CENATAC: variants seen among roughly 807,000 people sequenced by gnomAD.
CENATAC encodes coiled-coil domain containing 84.
A neutral mutation model predicts 53.7 loss-of-function variants in CENATAC; 53 were observed. That is an observed-to-expected ratio of 0.99 (90% CI 0.79 to 1.24). The LOEUF (loss-of-function observed/expected upper bound fraction) is 1.24, where lower values mean the gene tolerates loss of function less well. Ranked by LOEUF, CENATAC falls within the 50% of genes most tolerant of loss-of-function variation. The pLI, the probability that CENATAC is intolerant of heterozygous loss-of-function variation, is 0.00. For missense variants in CENATAC, 474 were observed against 417.8 expected (o/e 1.13, Z -1.17); for synonymous variants, 156 against 144.6 (o/e 1.08, Z -0.57).
chr11:119,013,419 C>A (rs1378529666), intron 8 of CENATAC, among the ~76,000 whole-genome samples, 157 bp downstream of exon 8: 1 of 151,748 alleles, frequency 6.6e-6, no homozygotes, highest in Non-Finnish European at 1.5e-5. Context: ...CCTCAGCCTC[C>A]CAAGTAGCTG....
intron 8 of CENATAC, chr11:119,014,290 G>C (rs782107943): frequency 1.3e-5 from 2 of 152,218 alleles, no homozygotes; most frequent in Non-Finnish European, 2.9e-5. Flanking sequence ...ATGAATCTCA[G>C]AAGTCCAGAC....
chr11:119,012,243 A>C lies in CENATAC; in HGVS notation c.673A>C (p.Ile225Leu). 6.2e-7 allele frequency: 1 copy of C among 1,614,060 alleles called. No individual in the cohort carries two copies. The highest frequency in any genetic ancestry group is 2.2e-5 in the East Asian group (1 of 44,882). The change falls in exon 7 of 11, where the codon ATT becomes CTT. Residue 225 changes from isoleucine to leucine, a missense_variant. Physicochemically the swap from Ile to Leu is conservative, Grantham distance 5 (BLOSUM62 2). Coordinates refer to ENST00000334418, the MANE Select transcript of CENATAC (RefSeq NM_198489.3). ...GGAGACAGGACCATCTCTGACATTC[A>C]TTGGCCATCAGGTACAAAGGATAAG... The part of the protein sequence containing the change: ...WMETGPSLTF[I>L]GHQDIPGVGN...
Position 119,010,541 on chromosome 11 carries a change from CTATTT to C in CENATAC, c.384-221_384-217del. 3 of 531,614 alleles carry C rather than the reference CTATTT, an allele frequency of 5.6e-6. No homozygotes were observed. In the South Asian group the frequency reaches 9.5e-5, roughly 17 times the overall value. The allele number at this position is 531,614 out of a possible 1,614,324, so 32.9% of individuals were successfully genotyped here. A position where few individuals can be genotyped will look rare whatever the true frequency, so the allele number is the denominator to read the frequency against. On this transcript the variant is annotated intron_variant, in intron 3 of 10. Transcript: ENST00000334418. Reference sequence around the variant, plus strand: ...TGAAAATAGGGTTTGACGTCTAAACCTATTTTGTTTTGGCAAAAAGGACGTGTGTC... The same window carrying C: ...TGAAAATAGGGTTTGACGTCTAAACCTGTTTTGGCAAAAAGGACGTGTGTC...
At chr11:119,006,817 C>T (rs892220442) in intron 3 of CENATAC, among the ~76,000 whole-genome samples, 1 of 152,304 alleles carries the variant, frequency 6.6e-6, no homozygotes, top group African/African-American at 2.4e-5. Context: ...ATCATGGGGG[C>T]GTTTTCCCCC....
At position 119,015,426 on chromosome 11, in the gene CENATAC, C is replaced by T. The variant is rs137880438; in HGVS notation, c.925C>T (p.Arg309Cys). The T allele has an allele frequency of 2.8e-4, 460 of 1,614,094 alleles. 1 individual carries two copies. The highest frequency in any genetic ancestry group is 3.5e-4 in the Non-Finnish European group (414 of 1,179,966). Residue 309 changes from arginine to cysteine, a missense_variant, in exon 10 of 11, where the codon CGC (arginine) becomes TGC (cysteine). Coordinates refer to ENST00000334418, the MANE Select transcript of CENATAC (RefSeq NM_198489.3). Reference protein sequence around the residue: ...SFGRVWNNGRRWQSRHQFKTE... With the variant: ...SFGRVWNNGRCWQSRHQFKTE... ...TGGCCGCGTCTGGAATAATGGACGCCGCTGGCAGTCCAGGTATGTGTGTTC... is the reference window on the plus strand; with the variant it reads ...TGGCCGCGTCTGGAATAATGGACGCTGCTGGCAGTCCAGGTATGTGTGTTC...
chr11:119,013,369 C>A, intron 8 of CENATAC, 107 bp downstream of exon 8: 2 of 764,780 alleles, frequency 2.6e-6, no homozygotes, highest in Admixed American at 2.7e-5. Flanking sequence ...AATCTCAGCT[C>A]GCTGCAACCT....
chr11:118,998,971 A>G, intron 2 of CENATAC, 40 bp from the exon 3 acceptor site: 2 of 1,445,912 alleles, frequency 1.4e-6, no homozygotes, highest in Non-Finnish European at 1.9e-6. Context: ...GTAATATTTT[A>G]TAATCTATAG....
intron 8 of CENATAC, chr11:119,014,084 A>G (rs1565671313): frequency 6.6e-6 from 1 of 152,244 alleles, no homozygotes; most frequent in Admixed American, 6.5e-5. Flanking sequence ...TACACCTACC[A>G]CATTATCCAA....
At chr11:119,002,407 C>G (rs1289997776) in intron 3 of CENATAC, among the ~76,000 whole-genome samples, 2 of 149,482 alleles carry the variant, frequency 1.3e-5, no homozygotes, top group Admixed American at 1.3e-4. Flanking sequence ...GGCACAATCT[C>G]AGCTCACTGC....
At chr11:119,000,797 G>A (rs1359196215) in intron 3 of CENATAC, among the ~76,000 whole-genome samples, 1 of 151,958 alleles carries the variant, frequency 6.6e-6, no homozygotes, top group South Asian at 2.1e-4. Context: ...TTGAGATGGG[G>A]TTTTGCTATG....
chr11:118,999,978 T>C (rs1352204460), intron 3 of CENATAC, among the ~76,000 whole-genome samples: 6 of 152,184 alleles, frequency 3.9e-5, no homozygotes, highest in Non-Finnish European at 5.9e-5. Flanking sequence ...GATTTCACCA[T>C]GTTGGCCAAG....
At chr11:119,011,195 C>T (rs782204488) in intron 4 of CENATAC, 26 bp from the exon 5 acceptor site, 1 of 1,605,434 alleles carries the variant, frequency 6.2e-7, no homozygotes, top group Non-Finnish European at 8.5e-7. Context: ...GATCCTGTAC[C>T]TGTCTAAGCA....
chr11:119,014,958 T>TAAAAAA (rs10680026), intron 8 of CENATAC, 36 bp from the exon 9 acceptor site: 219 of 1,170,168 alleles, frequency 1.9e-4, no homozygotes, highest in South Asian at 2.8e-4. Flanking sequence ...CCTGAAGACT[T>TAAAAAA]AAAAAAAAAA....
At chr11:119,011,837 T>C in intron 5 of CENATAC, 102 bp from the exon 6 acceptor site, 1 of 979,668 alleles carries the variant, frequency 1.0e-6, no homozygotes, top group Non-Finnish European at 1.6e-6. Flanking sequence ...CATATGCTAA[T>C]TTGTTTCCTT....
At chr11:118,999,524 T>A (rs1265622988) in intron 3 of CENATAC, among the ~76,000 whole-genome samples, 1 of 152,242 alleles carries the variant, frequency 6.6e-6, no homozygotes, top group Non-Finnish European at 1.5e-5. Context: ...AATGGCACAA[T>A]CTCAGCCCAC....
At chr11:119,011,878 C>T in intron 5 of CENATAC, 61 bp from the exon 6 acceptor site, 1 of 1,462,124 alleles carries the variant, frequency 6.8e-7, no homozygotes, top group Non-Finnish European at 9.6e-7. Flanking sequence ...AGGGTGGAGG[C>T]ATGGCCTAGG....
chr11:119,015,583 T>C lies in CENATAC; in HGVS notation c.984T>C (p.His328=), dbSNP rs1157822327. ...CTGCAGCAATGAAGAAGCAGTCACATACAGAAAAAAGCTAATCATGCTCTC... is the reference window on the plus strand; with the variant it reads ...CTGCAGCAATGAAGAAGCAGTCACACACAGAAAAAAGCTAATCATGCTCTC... ...TEAAAMKKQS[H]TEKS is the part of the protein sequence containing the mutation. Residue 328 remains histidine (H), a synonymous_variant, in exon 11 of 11, where the codon CAT becomes CAC. Coordinates refer to ENST00000334418, the MANE Select transcript of CENATAC (RefSeq NM_198489.3). The C allele has an allele frequency of 4.3e-6, 7 of 1,613,958 alleles. No individual in the cohort carries two copies. In the African/African-American group the frequency reaches 5.3e-5, roughly 12 times the overall value.
chr11:119,009,136 A>C (rs1401992995), intron 3 of CENATAC, among the ~76,000 whole-genome samples: 2 of 151,772 alleles, frequency 1.3e-5, no homozygotes, highest in Admixed American at 6.6e-5. Flanking sequence ...CCTACAACTT[A>C]TTATTATTTT....
chr11:119,012,328 A>C (rs969255111), intron 7 of CENATAC, 74 bp downstream of exon 7: 207 of 1,517,434 alleles, frequency 1.4e-4, no homozygotes, highest in East Asian at 3.8e-4. Context: ...CTGATTTTCT[A>C]CCTATTCAAG....
Sources: gnomAD v4.1 joint callset for allele counts (sites outside exome capture counted in the v4.1 genomes callset) on GRCh38, gnomAD v4.1.1 for gene constraint, MANE v1.5 for transcripts, NCBI Gene and HGNC (gene_info 2026-07-23, HGNC 2026-07-21) for gene names.